The following CFAP77 variants were observed in gnomAD, a reference collection of about 807,000 sequenced individuals.
CFAP77 encodes cilia- and flagella-associated protein 77.
A neutral mutation model predicts 31.1 loss-of-function variants in CFAP77; 25 were observed. That is an observed-to-expected ratio of 0.80 (90% CI 0.59 to 1.12). The LOEUF (loss-of-function observed/expected upper bound fraction) is 1.12. CFAP77 is among the 50% of genes most tolerant of loss of function. The pLI is 0.00. For missense variants in CFAP77, 377 were observed against 397.3 expected (o/e 0.95, Z 0.44); for synonymous variants, 151 against 159.9 (o/e 0.94, Z 0.42).
At chr9:132,536,788 G>T (rs896097198) in intron 3 of CFAP77, among the ~76,000 whole-genome samples, 1 of 152,186 alleles carries the variant, frequency 6.6e-6, no homozygotes, top group African/African-American at 2.4e-5. Context: ...GGGAGCAGTT[G>T]GCCATTCGCT....
chr9:132,522,072 A>T (rs954798890), intron 3 of CFAP77, among the ~76,000 whole-genome samples: 14 of 151,990 alleles, frequency 9.2e-5, no homozygotes, highest in African/African-American at 3.4e-4. Flanking sequence ...CCAGACTTGC[A>T]TTTTTTTAAA....
intron 1 of CFAP77, among the ~76,000 whole-genome samples, chr9:132,492,956 C>T (rs1002885164): frequency 2.6e-5 from 4 of 152,122 alleles, no homozygotes; most frequent in Admixed American, 6.6e-5. Context: ...GGAAGGTTGC[C>T]GAGGACTCCC....
chr9:132,528,265 C>T (rs1402465103), intron 3 of CFAP77, among the ~76,000 whole-genome samples: 2 of 126,276 alleles, frequency 1.6e-5, no homozygotes, highest in African/African-American at 5.7e-5. Context: ...AAAGGATTCC[C>T]TATTTAATAA....
At chr9:132,440,338 A>AAAT (rs961837523) in intron 1 of CFAP77, among the ~76,000 whole-genome samples, 20 of 151,814 alleles carry the variant, frequency 1.3e-4, no homozygotes, top group Non-Finnish European at 2.5e-4. Context: ...CCCTGTCTCA[A>AAAT]AATAATAATA....
At chr9:132,496,098 A>G (rs906366662) in intron 1 of CFAP77, among the ~76,000 whole-genome samples, 2 of 152,248 alleles carry the variant, frequency 1.3e-5, no homozygotes, top group Non-Finnish European at 2.9e-5. Flanking sequence ...GGCCTGGGAA[A>G]AGAAGAGTGA....
intron 1 of CFAP77, among the ~76,000 whole-genome samples, chr9:132,460,469 G>A (rs1435194027): frequency 1.3e-5 from 2 of 152,126 alleles, no homozygotes; most frequent in African/African-American, 2.4e-5. Flanking sequence ...CTACAGCATG[G>A]ACAAACCTTG....
chr9:132,462,905 A>G (rs186559610), intron 1 of CFAP77, among the ~76,000 whole-genome samples: 11 of 152,296 alleles, frequency 7.2e-5, no homozygotes, highest in Admixed American at 2.6e-4. Context: ...AGTGAACTCC[A>G]TGAAGATAGG....
Position 132,490,288 on chromosome 9 carries a change from A to G in CFAP77, c.196-8407A>G, listed in dbSNP as rs35704450. On this transcript the variant is annotated intron_variant, in intron 1 of 5. Coordinates refer to ENST00000393216, the MANE Select transcript of CFAP77 (RefSeq NM_001282957.2). This position sits in a 1 kb window ranked among gnomAD's most constrained non-coding sequence, Gnocchi z 4.6. ...AAGTTTCAGCATGACTTTGGAGGCG[A>G]TAAAAACATTCAGACCATAGCACCA... Among the ~76,000 whole-genome samples, 1,731 of 152,304 alleles carry G rather than the reference A, an allele frequency of 0.011. 23 individuals are homozygous for G. The highest frequency in any genetic ancestry group is 0.018 in the Non-Finnish European group (1,227 of 68,028).
intron 3 of CFAP77, among the ~76,000 whole-genome samples, chr9:132,515,899 G>A (rs1038100922): frequency 6.6e-6 from 1 of 152,200 alleles, no homozygotes; most frequent in African/African-American, 2.4e-5. Context: ...ATCCATCAGT[G>A]AATAGTTCCT....
chr9:132,466,138 G>A (rs1266777390), intron 1 of CFAP77, among the ~76,000 whole-genome samples: 1 of 152,152 alleles, frequency 6.6e-6, no homozygotes, highest in Non-Finnish European at 1.5e-5. Context: ...CCAGGCTGGG[G>A]TGCAGTGGCT....
chr9:132,442,315 C>G (rs1850627465), intron 1 of CFAP77, among the ~76,000 whole-genome samples: 1 of 152,116 alleles, frequency 6.6e-6, no homozygotes, highest in Middle Eastern at 3.2e-3. Flanking sequence ...CTTTGGGAGG[C>G]CAAGGCACAC....
Position 132,521,778 on chromosome 9 carries a change from T to G in CFAP77, c.525-15823T>G, listed in dbSNP as rs2151338. ...ATAGACTTGCTTTTTTTTTTTTTTT[T>G]TTTTTTGAGATGAAGTCTCACTCTG... is the stretch of plus-strand genomic sequence containing the variant. On this transcript the variant is annotated intron_variant, in intron 3 of 5. Coordinates refer to ENST00000393216, the MANE Select transcript of CFAP77 (RefSeq NM_001282957.2). 4.0e-3 allele frequency among the ~76,000 whole-genome samples: 423 copies of G among 105,836 alleles called. 2 individuals carry two copies. Among genetic ancestry groups the G allele is most frequent in the Middle Eastern group, 5.1e-3 (1 of 198 alleles). The allele number at this position is 105,836 out of a possible 152,430, so 69.4% of individuals were successfully genotyped here.
At chr9:132,436,077 A>G (rs1354927000) in intron 1 of CFAP77, among the ~76,000 whole-genome samples, 1 of 152,126 alleles carries the variant, frequency 6.6e-6, no homozygotes, top group African/African-American at 2.4e-5. Flanking sequence ...ATTCATTTCC[A>G]TGGCTGCCAT....
In CFAP77 at chr9:132,458,357, G is replaced by GGGGT. The variant is rs139008147; in HGVS notation, c.196-40337_196-40336insGGTG. Among the ~76,000 whole-genome samples the GGGGT allele has an allele frequency of 1.7e-3, 203 of 118,954 alleles. 2 individuals carry two copies. The highest frequency in any genetic ancestry group is 4.0e-3 in the Middle Eastern group (1 of 252). The allele number at this position is 118,954 out of a possible 152,430, so 78.0% of individuals were successfully genotyped here. Reference sequence around the variant, plus strand: ...GTCTCCCTGGCGGGGGAGGGGGGGGGGTGTGTATGGAAGGCTCAGCTCATC... The same window carrying GGGGT: ...GTCTCCCTGGCGGGGGAGGGGGGGGGGGGTGTGTGTATGGAAGGCTCAGCTCATC... On this transcript the variant is annotated intron_variant, in intron 1 of 5. Transcript: ENST00000393216.
chr9:132,556,430 G>A (rs1478889640), intron 5 of CFAP77, among the ~76,000 whole-genome samples: 1 of 152,160 alleles, frequency 6.6e-6, no homozygotes, highest in Non-Finnish European at 1.5e-5. Flanking sequence ...CCTCCCCGGC[G>A]GCTCAGCTTG....
intron 1 of CFAP77, among the ~76,000 whole-genome samples, chr9:132,479,265 C>A (rs889559566): frequency 7.2e-5 from 11 of 152,312 alleles, no homozygotes; most frequent in African/African-American, 2.6e-4. Context: ...CCCTCATGCC[C>A]AGCTCACAGT....
chr9:132,434,234 G>A (rs1428169535), intron 1 of CFAP77, among the ~76,000 whole-genome samples: 1 of 152,140 alleles, frequency 6.6e-6, no homozygotes, highest in Non-Finnish European at 1.5e-5. Context: ...TCCCCGCTCT[G>A]AGGTGTTTTA....
chr9:132,493,155 GAAGAAAGGAA>G (rs1851677632), intron 1 of CFAP77, among the ~76,000 whole-genome samples: 1 of 152,152 alleles, frequency 6.6e-6, no homozygotes, highest in African/African-American at 2.4e-5. Context: ...GCCTGCCCAA[GAAGAAAGGAA>G]GTCCAGGTGC....
At chr9:132,519,301 TG>T in intron 3 of CFAP77, among the ~76,000 whole-genome samples, 1 of 144,100 alleles carries the variant, frequency 6.9e-6, no homozygotes, top group East Asian at 2.0e-4. Context: ...GATGGATGAA[TG>T]GATGGATGGG....
Sources: gnomAD v4.1 joint callset for allele counts (sites outside exome capture counted in the v4.1 genomes callset) on GRCh38, gnomAD v4.1.1 for gene constraint, Gnocchi (gnomAD v3.1) non-coding constraint, MANE v1.5 for transcripts, NCBI Gene and HGNC (gene_info 2026-07-23, HGNC 2026-07-21) for gene names.